The following LMTK2 variants were observed in gnomAD, a reference collection of about 807,000 sequenced individuals.
LMTK2 encodes the protein lemur tail kinase 2.
In LMTK2, 37 loss-of-function variants were observed where a neutral mutation model predicts 127.5. That is an observed-to-expected ratio of 0.29 (90% CI 0.22 to 0.38). The LOEUF (loss-of-function observed/expected upper bound fraction) is 0.38, where lower values mean the gene tolerates loss of function less well. LMTK2 is among the 10% of genes least tolerant of loss of function. LMTK2 has a pLI of 1.00. For missense variants in LMTK2, 1,694 were observed against 1,920.3 expected, an observed-to-expected ratio of 0.88 and a Z score of 2.20; for synonymous variants, 819 against 810.1, an observed-to-expected ratio of 1.01 and a Z score of -0.19.
At chr7:98,112,811 A>G (rs1352479686) in intron 1 of LMTK2, among the ~76,000 whole-genome samples, 1 of 152,218 alleles carries the variant, frequency 6.6e-6, no homozygotes, top group African/African-American at 2.4e-5. Flanking sequence ...GCTGGTGAAG[A>G]GATGAGAACT....
At chr7:98,188,690 C>T (rs1303142086) in intron 9 of LMTK2, among the ~76,000 whole-genome samples, 1 of 152,172 alleles carries the variant, frequency 6.6e-6, no homozygotes, top group Non-Finnish European at 1.5e-5. Flanking sequence ...CTCTGCTTCC[C>T]TCCTATGTGA....
chr7:98,191,578 G>T, intron 10 of LMTK2, 36 bp from the exon 11 acceptor site: 3 of 1,470,986 alleles, frequency 2.0e-6, no homozygotes, highest in Non-Finnish European at 1.8e-6. Flanking sequence ...AAAAATTCGT[G>T]ATGGTTCCAC....
intron 5 of LMTK2, among the ~76,000 whole-genome samples, chr7:98,157,046 A>C (rs781014842): frequency 2.0e-4 from 31 of 152,164 alleles, no homozygotes; most frequent in Non-Finnish European, 2.8e-4. Context: ...CCAGGAGTTC[A>C]AGACCAGCCT....
At chr7:98,172,897 A>C (rs955920785) in intron 7 of LMTK2, among the ~76,000 whole-genome samples, 2 of 152,168 alleles carry the variant, frequency 1.3e-5, no homozygotes, top group African/African-American at 4.8e-5. Flanking sequence ...AGCTGGGGCT[A>C]CAGGCACTTG....
intron 1 of LMTK2, among the ~76,000 whole-genome samples, chr7:98,107,884 G>A (rs9641224): frequency 0.055 from 8,419 of 152,176 alleles, 392 homozygotes; most frequent in East Asian, 0.17. Flanking sequence ...ACTGGCTTAA[G>A]GGTGATGGAA....
rs913783829 is a variant in LMTK2 at position 98,193,552 on chromosome 7, C to T, written c.3087C>T (p.Asp1029=). ...TAGTGCCCCCCGATAAGCCGGCAGA[C>T]AGTGGCTACGAAACAGAGAACTTGG... ...QKLVPPDKPA[D]SGYETENLES... Residue 1029 remains aspartate (D), a synonymous_variant, in exon 11 of 14, where the codon GAC becomes GAT. Transcript: ENST00000297293. This position sits in a 1 kb window ranked among gnomAD's most constrained non-coding sequence, Gnocchi z 4.1. 1.2e-6 allele frequency: 2 copies of T among 1,614,190 alleles called. No individual in the cohort carries two copies. Among genetic ancestry groups the T allele is most frequent in the African/African-American group, 2.7e-5 (2 of 75,056 alleles).
In LMTK2 at chr7:98,194,459, A is replaced by G. The variant is rs1797596303; in HGVS notation, c.3994A>G (p.Ser1332Gly). The change falls in exon 11 of 14, where the codon AGT becomes GGT. Residue 1332 changes from serine (S) to glycine (G), a missense_variant. Physicochemically the swap from Ser to Gly is moderately conservative, Grantham distance 56. Transcript: ENST00000297293. The surrounding 1 kb of genome is among the most constrained non-coding windows in gnomAD (Gnocchi z 5.4). ...CAACGAGGACGGAAGGCACCTGCGG[A>G]GTCTGTTGAAGCCCACAGCGGCCAA... ...LSNEDGRHLR[S>G]LLKPTAANAP... The G allele has an allele frequency of 1.2e-6, 2 of 1,614,090 alleles. No individual in the cohort carries two copies. Among genetic ancestry groups the G allele is most frequent in the Non-Finnish European group, 1.7e-6 (2 of 1,180,032 alleles).
chr7:98,115,794 A>C (rs751495774), intron 1 of LMTK2, among the ~76,000 whole-genome samples: 3 of 152,230 alleles, frequency 2.0e-5, no homozygotes, highest in Non-Finnish European at 4.4e-5. Flanking sequence ...TCTCAAAAAA[A>C]GCAAAAAAAG....
intron 3 of LMTK2, among the ~76,000 whole-genome samples, chr7:98,145,917 A>G (rs142445612): frequency 2.0e-4 from 30 of 152,230 alleles, no homozygotes; most frequent in Non-Finnish European, 2.8e-4. Flanking sequence ...ATTCATCTCT[A>G]TGTTGTCTTC....
chr7:98,166,586 A>T (rs2177517), intron 6 of LMTK2, among the ~76,000 whole-genome samples: 8,062 of 149,748 alleles, frequency 0.054, 626 homozygotes, highest in East Asian at 0.37. Flanking sequence ...GAAAGACAAA[A>T]TTTTTATATA....
Position 98,193,900 on chromosome 7 carries a change from T to C in LMTK2, c.3435T>C (p.Ser1145=). Reference sequence around the variant, plus strand: ...CCGAGCCAGTCCTCCCCGAGCAAAGTCCTGCTGCCCAGGATAGCTGCCTGG... The same window carrying C: ...CCGAGCCAGTCCTCCCCGAGCAAAGCCCTGCTGCCCAGGATAGCTGCCTGG... The part of the protein sequence containing the change: ...PLPEPVLPEQ[S]PAAQDSCLEA... The change falls in exon 11 of 14, where the codon AGT becomes AGC. Residue 1145 remains serine, a synonymous_variant. Coordinates refer to ENST00000297293, the MANE Select transcript of LMTK2 (RefSeq NM_014916.4). The surrounding 1 kb of genome is among the most constrained non-coding windows in gnomAD (Gnocchi z 4.1). The C allele has an allele frequency of 6.2e-7, 1 of 1,613,968 alleles. No individual in the cohort carries two copies. Among genetic ancestry groups the C allele is most frequent in the Middle Eastern group, 1.6e-4 (1 of 6,062 alleles).
intron 3 of LMTK2, among the ~76,000 whole-genome samples, chr7:98,150,376 A>G (rs1437206184): frequency 6.6e-6 from 1 of 152,194 alleles, no homozygotes. Flanking sequence ...GCTAAGATGA[A>G]TAAGACTGAC....
intron 1 of LMTK2, among the ~76,000 whole-genome samples, chr7:98,135,602 A>G (rs909386350): frequency 2.0e-5 from 3 of 152,124 alleles, no homozygotes; most frequent in African/African-American, 7.2e-5. Flanking sequence ...GATTACAGGC[A>G]TGCTCACTGT....
At chr7:98,137,185 C>T (rs1796607388) in intron 1 of LMTK2, 130 bp from the exon 2 acceptor site, 1 of 788,314 alleles carries the variant, frequency 1.3e-6, no homozygotes, top group African/African-American at 1.8e-5. Flanking sequence ...GATGGATCAT[C>T]AGCTTTTTCT....
intron 11 of LMTK2, among the ~76,000 whole-genome samples, chr7:98,195,842 A>G (rs1017219078): frequency 6.6e-6 from 1 of 152,092 alleles, no homozygotes; most frequent in African/African-American, 2.4e-5. Flanking sequence ...AAAAATCGTT[A>G]AATCACCCGC....
chr7:98,199,215 T>A (rs1207320762), intron 11 of LMTK2, among the ~76,000 whole-genome samples: 1 of 152,210 alleles, frequency 6.6e-6, no homozygotes, highest in Non-Finnish European at 1.5e-5. Context: ...GTTCTATAAA[T>A]GTCAGATTTA....
At chr7:98,188,373 C>G (rs971013980) in intron 9 of LMTK2, among the ~76,000 whole-genome samples, 1 of 152,150 alleles carries the variant, frequency 6.6e-6, no homozygotes, top group Non-Finnish European at 1.5e-5. Context: ...GACCATTTCT[C>G]TTAAGGCATG....
intron 2 of LMTK2, among the ~76,000 whole-genome samples, chr7:98,139,630 A>G (rs1796648307): frequency 6.6e-6 from 1 of 152,248 alleles, no homozygotes; most frequent in Admixed American, 6.5e-5. Flanking sequence ...CCCAGATTGA[A>G]GTTACGGTAC....
chr7:98,173,370 T>C (rs1354706052), intron 7 of LMTK2, among the ~76,000 whole-genome samples: 1 of 152,086 alleles, frequency 6.6e-6, no homozygotes, highest in Non-Finnish European at 1.5e-5. Context: ...GAATCCCTTA[T>C]ATGAAGCTTT....
Sources: allele counts gnomAD v4.1 joint callset (sites outside exome capture counted in the v4.1 genomes callset), GRCh38; gene constraint gnomAD v4.1.1; non-coding constraint Gnocchi (gnomAD v3.1); transcripts MANE v1.5; gene names NCBI Gene and HGNC (gene_info 2026-07-23, HGNC 2026-07-21).